Variants in GREP1 observed in about 807,000 individuals in gnomAD.
The protein encoded by GREP1 is glycine rich extracellular protein 1, also known as glycine-rich extracellular protein 1.
At chr16:3,001,291 C>A in exon 34 of GREP1, 1 of 399,086 alleles carries the variant, frequency 2.5e-6, no homozygotes, top group Non-Finnish European at 4.4e-6. Flanking sequence ...GGGGCCCCGA[C>A]GTGAAGAGAG....
intron 27 of GREP1, among the ~76,000 whole-genome samples, 161 bp from the exon 25 acceptor site, chr16:2,999,741 T>C (rs1334159759): frequency 6.6e-6 from 1 of 152,186 alleles, no homozygotes; most frequent in African/African-American, 2.4e-5. Flanking sequence ...CGTGAGCCAC[T>C]GCGCCCAGTC....
At chr16:2,990,466 G>A (rs2072392868) in exon 6 of GREP1, 1 of 399,120 alleles carries the variant, frequency 2.5e-6, no homozygotes, top group Admixed American at 4.4e-5. Context: ...CACTGAAGGG[G>A]GCATGAAACC....
Position 2,991,115 on chromosome 16 carries a change from G to C in GREP1, c.322+14G>C. 1 of 399,234 alleles carries C rather than the reference G, an allele frequency of 2.5e-6. No homozygotes were observed. The highest frequency in any genetic ancestry group is 4.4e-6 in the Non-Finnish European group (1 of 226,274). 24.7% of individuals were successfully genotyped at this position (399,234 alleles called of 1,614,324 possible). ...GAGCCCAGTCAGGTGAGGAAACGTC[G>C]GGTGTGGCAGGACCTGGGCTTCCAG... On this transcript the variant is annotated intron_variant, in intron 8 of 34. Transcript: ENST00000573315. This position sits in a 1 kb window ranked among gnomAD's most constrained non-coding sequence, Gnocchi z 4.9.
In GREP1 at chr16:2,989,935, C is replaced by G; in HGVS notation, c.131-39C>G. ...GCCAGGTGTGGGGCTCTGGGGAGATCCTGGGGGAGGGGTGTCCCTCACCTC... is the reference window on the plus strand; with the variant it reads ...GCCAGGTGTGGGGCTCTGGGGAGATGCTGGGGGAGGGGTGTCCCTCACCTC... On this transcript the variant is annotated intron_variant, in intron 3 of 34. Coordinates refer to ENST00000573315, the Ensembl canonical transcript of GREP1. The surrounding 1 kb of genome is among the most constrained non-coding windows in gnomAD (Gnocchi z 4.2). The G allele has an allele frequency of 2.5e-6, 1 of 398,920 alleles. No individual in the cohort carries two copies. The allele number at this position is 398,920 out of a possible 1,614,324, so 24.7% of individuals were successfully genotyped here. A position where few individuals can be genotyped will look rare whatever the true frequency, so the allele number is the denominator to read the frequency against.
At chr16:2,990,980 C>T (rs2072396196) in intron 7 of GREP1, 68 bp from the exon 7 acceptor site, 3 of 399,108 alleles carry the variant, frequency 7.5e-6, no homozygotes, top group African/African-American at 2.1e-5. Flanking sequence ...CACTTCCCAC[C>T]CTCTGTCTCT....
exon 11 of GREP1, chr16:2,994,709 C>A: frequency 5.1e-6 from 2 of 392,084 alleles, no homozygotes; most frequent in East Asian, 7.2e-5. Flanking sequence ...CCCCACCACT[C>A]AAAATGGCTA....
rs1004513192 is a variant in GREP1, at chr16:2,998,361, C to T, written c.955C>T (p.Arg319Ter). The T allele has an allele frequency of 3.3e-5, 13 of 399,348 alleles. No individual in the cohort carries two copies. Among genetic ancestry groups the T allele is most frequent in the African/African-American group, 1.4e-4 (7 of 48,742 alleles). The allele number at this position is 399,348 out of a possible 1,614,324, so 24.7% of individuals were successfully genotyped here. A position where few individuals can be genotyped will look rare whatever the true frequency, so the allele number is the denominator to read the frequency against. ...CTCTTTCTGTCTCTCCCCAGGCCTG[C>T]GAGGGACCTTGAAGCCTCAGAAGTC... is the stretch of plus-strand genomic sequence containing the variant. Residue 319 changes from arginine to a stop codon, truncating the protein, a stop_gained, in exon 24 of 35, where the codon CGA becomes TGA. Transcript: ENST00000573315. LOFTEE classifies it high-confidence loss of function.
intron 30 of GREP1, chr16:3,000,429 T>C: frequency 2.5e-6 from 1 of 399,118 alleles, no homozygotes; most frequent in Non-Finnish European, 4.4e-6. Flanking sequence ...CCCTCTTTCC[T>C]CCTCCAGGGT....
exon 11 of GREP1, chr16:2,994,715 G>A (rs2072415708): frequency 2.5e-6 from 1 of 398,926 alleles, no homozygotes; most frequent in African/African-American, 2.1e-5. Context: ...CACTCAAAAT[G>A]GCTATAGACC....
At chr16:2,990,223 G>C in intron 5 of GREP1, 101 bp downstream of exon 5, 1 of 398,178 alleles carries the variant, frequency 2.5e-6, no homozygotes, top group East Asian at 3.6e-5. Context: ...AGCCTCTCAG[G>C]TTTGCTGGTG....
intron 5 of GREP1, 184 bp from the exon 6 acceptor site, chr16:2,990,368 A>G: frequency 2.5e-6 from 1 of 398,728 alleles, no homozygotes; most frequent in Non-Finnish European, 4.4e-6. Context: ...TAGAGATGGG[A>G]GTGGGGGAGC....
chr16:2,999,813 C>T (rs2151112647), intron 27 of GREP1, 89 bp from the exon 25 acceptor site: 2 of 398,942 alleles, frequency 5.0e-6, no homozygotes, highest in Non-Finnish European at 8.8e-6. Context: ...GTCTCTGCTT[C>T]CCCTTCAGAG....
exon 7 of GREP1, chr16:2,990,553 G>A: frequency 2.5e-6 from 1 of 399,476 alleles, no homozygotes; most frequent in Non-Finnish European, 4.4e-6. Context: ...TCGCCCCAGG[G>A]TTCAGGACCT....
chr16:2,998,434 T>A (rs2072439285), intron 24 of GREP1, 46 bp downstream of exon 22: 1 of 399,152 alleles, frequency 2.5e-6, no homozygotes, highest in African/African-American at 2.1e-5. Flanking sequence ...CTTCTGCCTC[T>A]CAGCCCTTCT....
Position 2,992,556 on chromosome 16 carries a change from C to T in GREP1, c.323-249C>T, listed in dbSNP as rs1426672453. On this transcript the variant is annotated intron_variant, in intron 8 of 34. Transcript: ENST00000573315. The surrounding 1 kb of genome is among the most constrained non-coding windows in gnomAD (Gnocchi z 4.9). ...TCATTCACCCAATCTCCCCTGAGCA[C>T]CCGTCCCAAGCCAGGCCTCGGCTGG... 3 of 354,180 alleles carry T rather than the reference C, an allele frequency of 8.5e-6. No homozygotes were observed. The highest frequency in any genetic ancestry group is 1.5e-5 in the Non-Finnish European group (3 of 197,874). The allele number at this position is 354,180 out of a possible 1,614,324, so 21.9% of individuals were successfully genotyped here. A position where few individuals can be genotyped will look rare whatever the true frequency, so the allele number is the denominator to read the frequency against.
Position 2,991,221 on chromosome 16 carries a change from C to A in GREP1, c.322+120C>A. On this transcript the variant is annotated intron_variant, in intron 8 of 34. Transcript: ENST00000573315. This position sits in a 1 kb window ranked among gnomAD's most constrained non-coding sequence, Gnocchi z 4.9. ...GCTCTGGAGGGAGGGCAGGGCTCAGCCACTCTGTCCCTTCCCAGGCCTGGG... is the reference window on the plus strand; with the variant it reads ...GCTCTGGAGGGAGGGCAGGGCTCAGACACTCTGTCCCTTCCCAGGCCTGGG... 2.5e-6 allele frequency: 1 copy of A among 397,680 alleles called. No homozygotes were observed. The highest frequency in any genetic ancestry group is 4.4e-6 in the Non-Finnish European group (1 of 225,528). The allele number at this position is 397,680 out of a possible 1,614,324, so 24.6% of individuals were successfully genotyped here.
intron 18 of GREP1, 111 bp from the exon 18 acceptor site, chr16:2,996,376 GGGAGGGGGA>G (rs1302941563): frequency 1.5e-5 from 6 of 397,838 alleles, no homozygotes; most frequent in Non-Finnish European, 2.7e-5. Flanking sequence ...CTGTAGGCCT[GGGAGGGGGA>G]GCCAGGCCCC....
intron 18 of GREP1, chr16:2,996,001 C>T (rs1192123917): frequency 1.0e-5 from 4 of 392,638 alleles, no homozygotes; most frequent in Non-Finnish European, 1.3e-5. Flanking sequence ...GGCGCAATCT[C>T]GGTTCACTGC....
chr16:2,999,313 C>A (rs998003208), intron 27 of GREP1: 3 of 398,724 alleles, frequency 7.5e-6, no homozygotes, highest in African/African-American at 6.2e-5. Flanking sequence ...GTGAGTCTGT[C>A]TGCCCCCAGG....
Sources: gnomAD v4.1 joint callset for allele counts (sites outside exome capture counted in the v4.1 genomes callset) on GRCh38, gnomAD v4.1.1 for gene constraint, Gnocchi (gnomAD v3.1) non-coding constraint, MANE v1.5 for transcripts, NCBI Gene and HGNC (gene_info 2026-07-23, HGNC 2026-07-21) for gene names.